Variants in ME3 observed in about 807,000 individuals in gnomAD.
ME3 encodes the protein NADP-dependent malic enzyme, mitochondrial.
A neutral mutation model predicts 68.9 loss-of-function variants in ME3; 48 were observed. That is an observed-to-expected ratio of 0.70 (90% CI 0.55 to 0.89). The LOEUF (loss-of-function observed/expected upper bound fraction) is 0.89, where lower values mean the gene tolerates loss of function less well. ME3 is among the 40% of genes least tolerant of loss of function. The pLI, the probability that ME3 is intolerant of heterozygous loss-of-function variation, is 0.00. For missense variants in ME3, 675 were observed against 797.4 expected (o/e 0.85, Z 1.85); for synonymous variants, 320 against 318.8 (o/e 1.00, Z -0.04).
intron 2 of ME3, among the ~76,000 whole-genome samples, chr11:86,574,644 C>T (rs943542022): frequency 2.6e-5 from 4 of 152,140 alleles, no homozygotes; most frequent in African/African-American, 4.8e-5. Context: ...CCAGTCAGAA[C>T]TCTTTTTCCG....
chr11:86,557,188 G>T (rs1956976131), intron 3 of ME3, among the ~76,000 whole-genome samples: 1 of 152,102 alleles, frequency 6.6e-6, no homozygotes, highest in Non-Finnish European at 1.5e-5. Flanking sequence ...AAAATTCTGG[G>T]CATATAAGCA....
intron 2 of ME3, among the ~76,000 whole-genome samples, chr11:86,564,882 G>A: frequency 6.6e-6 from 1 of 152,216 alleles, no homozygotes; most frequent in Middle Eastern, 3.4e-3. Flanking sequence ...TGCATCAAAG[G>A]ATACTATCAA....
chr11:86,582,783 G>A (rs777141678), intron 2 of ME3, among the ~76,000 whole-genome samples: 1 of 151,802 alleles, frequency 6.6e-6, no homozygotes, highest in Non-Finnish European at 1.5e-5. Flanking sequence ...AACCCCACGG[G>A]AGTCCTGCTA....
chr11:86,666,363 A>ATTT, intron 2 of ME3, among the ~76,000 whole-genome samples: 1 of 152,214 alleles, frequency 6.6e-6, no homozygotes, highest in Non-Finnish European at 1.5e-5. Context: ...TGGCAGAGAA[A>ATTT]CAAAGTCAAA....
chr11:86,524,232 A>C (rs1397997820), intron 4 of ME3, among the ~76,000 whole-genome samples: 6 of 152,212 alleles, frequency 3.9e-5, no homozygotes, highest in Non-Finnish European at 8.8e-5. Flanking sequence ...TCTCTGTTCT[A>C]ATACAAACAT....
chr11:86,468,478 CAA>C (rs1358543850), intron 7 of ME3, among the ~76,000 whole-genome samples: 1 of 152,150 alleles, frequency 6.6e-6, no homozygotes, highest in Non-Finnish European at 1.5e-5. Flanking sequence ...TTCATCCATC[CAA>C]ACACATTCAT....
intron 2 of ME3, among the ~76,000 whole-genome samples, chr11:86,612,612 G>A (rs568636201): frequency 1.3e-5 from 2 of 152,258 alleles, no homozygotes; most frequent in East Asian, 3.9e-4. Context: ...ATTCTGACTG[G>A]TGCGAGATGG....
At chr11:86,601,517 C>T (rs1341059788) in intron 2 of ME3, among the ~76,000 whole-genome samples, 1 of 152,084 alleles carries the variant, frequency 6.6e-6, no homozygotes, top group African/African-American at 2.4e-5. Flanking sequence ...CGAATTCTAC[C>T]AGAGGTACAA....
rs556457121 is a variant in ME3, at chr11:86,467,196, T to A, written c.810-1996A>T. The stretch of plus-strand genomic sequence containing the variant: ...TGGTAAGAAAACTCAAGATCTACTT[T>A]CTTAGTAAATTTCAAGTATACAATA... On this transcript the variant is annotated intron_variant, in intron 7 of 14. Transcript: ENST00000543262. Among the ~76,000 whole-genome samples the A allele has an allele frequency of 4.9e-4, 74 of 152,372 alleles. 1 individual carries two copies. The South Asian group carries it at 5.2e-3, about 11-fold the overall frequency.
intron 4 of ME3, among the ~76,000 whole-genome samples, chr11:86,519,143 A>G (rs898060224): frequency 1.3e-5 from 2 of 152,234 alleles, no homozygotes; most frequent in African/African-American, 2.4e-5. Flanking sequence ...TGTAGTAGCT[A>G]TGAGTAGTGG....
At chr11:86,567,148 C>T (rs1280847092) in intron 2 of ME3, among the ~76,000 whole-genome samples, 2 of 151,680 alleles carry the variant, frequency 1.3e-5, no homozygotes, top group African/African-American at 2.4e-5. Flanking sequence ...AACTGGGAGG[C>T]GGAGGTTGCA....
intron 2 of ME3, among the ~76,000 whole-genome samples, chr11:86,580,951 A>G (rs1307655915): frequency 6.6e-6 from 1 of 152,148 alleles, no homozygotes; most frequent in Non-Finnish European, 1.5e-5. Flanking sequence ...AACCTTGGAT[A>G]CCTTCTCTAG....
chr11:86,441,399 G>T lies in ME3; in HGVS notation c.1695C>A (p.Tyr565Ter). Reference sequence around the variant, plus strand: ...AAGCCTCCTTGTCCTTAGGCTCTGGGTAGTAGGAAGCCAGGTTGTGTTTGT... The same window carrying T: ...AAGCCTCCTTGTCCTTAGGCTCTGGTTAGTAGGAAGCCAGGTTGTGTTTGT... Residue 565 changes from tyrosine (Y) to a stop codon, truncating the protein, a stop_gained, in exon 15 of 15, where the codon TAC (tyrosine) becomes TAA (stop). Transcript: ENST00000543262. LOFTEE classifies it high-confidence loss of function. 1 of 1,609,676 alleles carries T rather than the reference G, an allele frequency of 6.2e-7. No homozygotes were observed. The highest frequency in any genetic ancestry group is 1.1e-5 in the South Asian group (1 of 90,304).
chr11:86,586,738 A>G (rs927587860), intron 2 of ME3, among the ~76,000 whole-genome samples: 1 of 152,106 alleles, frequency 6.6e-6, no homozygotes, highest in Non-Finnish European at 1.5e-5. Flanking sequence ...AGGATGGGGG[A>G]AAACAGCTCT....
chr11:86,463,441 A>G (rs1950327212), intron 8 of ME3, among the ~76,000 whole-genome samples: 1 of 152,234 alleles, frequency 6.6e-6, no homozygotes, highest in Admixed American at 6.5e-5. Flanking sequence ...GAGGGCAGTG[A>G]GAGAATGCTT....
At chr11:86,484,819 G>T (rs990217126) in intron 7 of ME3, among the ~76,000 whole-genome samples, 1 of 152,186 alleles carries the variant, frequency 6.6e-6, no homozygotes, top group Non-Finnish European at 1.5e-5. Context: ...GGTTCAGCTT[G>T]TAGTCCTGAC....
chr11:86,602,138 C>G (rs556532286), intron 2 of ME3, among the ~76,000 whole-genome samples: 1 of 151,462 alleles, frequency 6.6e-6, no homozygotes, highest in Non-Finnish European at 1.5e-5. Flanking sequence ...AAAGGGTATT[C>G]GGTTAGGAAA....
chr11:86,464,555 G>A (rs1390931653), intron 8 of ME3, among the ~76,000 whole-genome samples: 3 of 152,322 alleles, frequency 2.0e-5, no homozygotes, highest in Admixed American at 2.0e-4. Flanking sequence ...ACCAGAGAAG[G>A]AATTGTCCTG....
At chr11:86,446,604 A>T (rs937396157) in intron 12 of ME3, 117 bp from the exon 13 acceptor site, 4 of 997,712 alleles carry the variant, frequency 4.0e-6, no homozygotes, top group Non-Finnish European at 6.0e-6. Context: ...AACGCCCAGC[A>T]CTGTGCTGAG....
Sources: allele counts gnomAD v4.1 joint callset (sites outside exome capture counted in the v4.1 genomes callset), GRCh38; gene constraint gnomAD v4.1.1; transcripts MANE v1.5; gene names NCBI Gene and HGNC (gene_info 2026-07-23, HGNC 2026-07-21).